The following RANBP2 variants were observed in gnomAD, a reference collection of about 807,000 sequenced individuals.
RANBP2 encodes E3 SUMO-protein ligase RanBP2.
RANBP2 carries 57 observed loss-of-function variants against 303.6 expected under a neutral mutation model. The ratio of observed to expected loss-of-function variants is 0.19; its 90% confidence interval spans 0.15 to 0.23. The LOEUF is 0.23. Among genes scored for constraint, RANBP2 ranks in the 10% least tolerant of loss-of-function variants. RANBP2 has a pLI of 1.00. For missense variants in RANBP2, 3,138 were observed against 3,780.8 expected (o/e 0.83, Z 4.46); for synonymous variants, 1,167 against 1,301.5 (o/e 0.90, Z 2.23).
At chr2:109,355,172 G>A in the RANBP2 span, among the ~76,000 whole-genome samples, 2 of 152,164 alleles carry the variant, frequency 1.3e-5, no homozygotes, top group Admixed American at 6.5e-5. Flanking sequence ...GAAAGTCTAC[G>A]GGCCCACAGT....
At chr2:109,735,300 A>G in the RANBP2 span, among the ~76,000 whole-genome samples, 1 of 152,162 alleles carries the variant, frequency 6.6e-6, no homozygotes. Flanking sequence ...TTAACATAAA[A>G]TCCTCTAGGT....
chr2:109,761,638 T>C, the RANBP2 span, among the ~76,000 whole-genome samples: 1 of 147,390 alleles, frequency 6.8e-6, no homozygotes, highest in Non-Finnish European at 1.5e-5. Context: ...TCCCCCTTCT[T>C]TCTCTGCTCC....
At chr2:109,698,480 C>T in the RANBP2 span, among the ~76,000 whole-genome samples, 2 of 150,024 alleles carry the variant, frequency 1.3e-5, no homozygotes, top group Non-Finnish European at 3.0e-5. Context: ...AAAAAAAATA[C>T]ATAAATAAAT....
chr2:109,143,401 C>CT, the RANBP2 span, among the ~76,000 whole-genome samples: 2 of 152,166 alleles, frequency 1.3e-5, no homozygotes, highest in Middle Eastern at 3.4e-3. Flanking sequence ...ATTCACAGGG[C>CT]CAATATCTGA....
At chr2:109,731,723 GTGAT>G in the RANBP2 span, among the ~76,000 whole-genome samples, 1 of 151,940 alleles carries the variant, frequency 6.6e-6, no homozygotes, top group Non-Finnish European at 1.5e-5. Context: ...CTGACCTCAG[GTGAT>G]CCCCCCAGCC....
At chr2:108,920,526 C>T in the RANBP2 span, among the ~76,000 whole-genome samples, 1,200 of 152,248 alleles carry the variant, frequency 7.9e-3, 22 homozygotes, top group African/African-American at 0.026. Context: ...GCCTTTTCAT[C>T]TCTTTTCACC....
At chr2:108,761,728 A>G (rs1676743140) in intron 18 of RANBP2, among the ~76,000 whole-genome samples, 1 of 152,136 alleles carries the variant, frequency 6.6e-6, no homozygotes, top group Non-Finnish European at 1.5e-5. Context: ...TGCATTGACC[A>G]TCAGATGGCA....
the RANBP2 span, among the ~76,000 whole-genome samples, chr2:109,533,564 T>C: frequency 1.3e-5 from 2 of 152,190 alleles, no homozygotes; most frequent in Non-Finnish European, 2.9e-5. Flanking sequence ...TGGGTGTTAT[T>C]CCCATAATAT....
the RANBP2 span, among the ~76,000 whole-genome samples, chr2:109,596,153 T>A: frequency 6.6e-6 from 1 of 152,122 alleles, no homozygotes; most frequent in East Asian, 1.9e-4. Flanking sequence ...CACCTCAGTT[T>A]CCGAAACAGC....
At chr2:109,543,841 G>T in the RANBP2 span, 2 of 272,518 alleles carry the variant, frequency 7.3e-6, no homozygotes, top group African/African-American at 4.5e-5. Context: ...GGGACCAGAA[G>T]TGTTTTGGAT....
At chr2:109,063,804 A>AC in the RANBP2 span, among the ~76,000 whole-genome samples, 25,450 of 151,996 alleles carry the variant, frequency 0.17, 2,186 homozygotes, top group Middle Eastern at 0.2. Context: ...GTAATAGAAA[A>AC]AAAAAAAACA....
At chr2:109,123,317 T>TC in the RANBP2 span, among the ~76,000 whole-genome samples, 17 of 134,210 alleles carry the variant, frequency 1.3e-4, no homozygotes, top group South Asian at 9.8e-4. Flanking sequence ...GGCTTTTCTT[T>TC]CTTTCCTTCC....
At chr2:109,684,001 G>A in the RANBP2 span, among the ~76,000 whole-genome samples, 1 of 151,958 alleles carries the variant, frequency 6.6e-6, no homozygotes, top group Non-Finnish European at 1.5e-5. Context: ...GAGTGCACTG[G>A]CACGATCTCG....
At chr2:109,305,563 C>G in the RANBP2 span, among the ~76,000 whole-genome samples, 19,157 of 152,094 alleles carry the variant, frequency 0.13, 1,638 homozygotes, top group East Asian at 0.39. Context: ...CAGGAAGCTC[C>G]GTACAAGCAG....
At chr2:109,412,941 C>T in the RANBP2 span, among the ~76,000 whole-genome samples, 20 of 152,188 alleles carry the variant, frequency 1.3e-4, no homozygotes, top group African/African-American at 4.6e-4. Context: ...ACATGGCCCT[C>T]CAGGCCTGTC....
the RANBP2 span, among the ~76,000 whole-genome samples, chr2:108,918,344 C>G: frequency 6.6e-6 from 1 of 152,188 alleles, no homozygotes; most frequent in Non-Finnish European, 1.5e-5. Flanking sequence ...GGAGGTTTCA[C>G]CCCGGTCCAC....
the RANBP2 span, among the ~76,000 whole-genome samples, chr2:109,191,165 T>C: frequency 2.6e-5 from 4 of 152,138 alleles, no homozygotes; most frequent in African/African-American, 9.7e-5. Context: ...CCCAACGTGC[T>C]ATCAACCGGG....
the RANBP2 span, among the ~76,000 whole-genome samples, chr2:109,461,720 G>A: frequency 6.6e-6 from 1 of 152,214 alleles, no homozygotes; most frequent in Non-Finnish European, 1.5e-5. Flanking sequence ...ATCCCTGTCT[G>A]CCACAATAGT....
At chr2:109,354,831 A>T in the RANBP2 span, among the ~76,000 whole-genome samples, 1 of 152,238 alleles carries the variant, frequency 6.6e-6, no homozygotes, top group Non-Finnish European at 1.5e-5. Flanking sequence ...AGAGCTAGTA[A>T]ATGAGTTTAA....
Sources: gnomAD v4.1 joint callset for allele counts (sites outside exome capture counted in the v4.1 genomes callset) on GRCh38, gnomAD v4.1.1 for gene constraint, MANE v1.5 for transcripts, NCBI Gene and HGNC (gene_info 2026-07-23, HGNC 2026-07-21) for gene names.